Variants in DLGAP3 observed in about 807,000 individuals in gnomAD.
The protein encoded by DLGAP3 is DLG associated protein 3.
In DLGAP3, 17 loss-of-function variants were observed where a neutral mutation model predicts 81.2. The observed-to-expected ratio is 0.21, with a 90% confidence interval of 0.14 to 0.31. The LOEUF is 0.31. DLGAP3 is among the 10% of genes least tolerant of loss of function. The pLI, the probability that DLGAP3 is intolerant of heterozygous loss-of-function variation, is 1.00. For missense variants in DLGAP3, 1,124 were observed against 1,388.0 expected (o/e 0.81, Z 3.02); for synonymous variants, 577 against 587.4 (o/e 0.98, Z 0.26).
intron 1 of DLGAP3, among the ~76,000 whole-genome samples, chr1:34,912,597 C>T (rs1639655617): frequency 6.6e-6 from 1 of 152,172 alleles, no homozygotes. Context: ...ACACCAGTTC[C>T]AACACAGCAG....
intron 2 of DLGAP3, among the ~76,000 whole-genome samples, chr1:34,906,101 CACATAGAAATATTTTTATATAT>C (rs1265500772): frequency 6.7e-5 from 9 of 133,860 alleles, no homozygotes; most frequent in African/African-American, 2.4e-4. Context: ...TTTTTATATA[CACATAGAAATATTTTTATATAT>C]ACATATATAT....
chr1:34,917,514 A>C (rs1225722924), intron 1 of DLGAP3, among the ~76,000 whole-genome samples: 1 of 151,484 alleles, frequency 6.6e-6, no homozygotes, highest in Admixed American at 6.6e-5. Flanking sequence ...TGCCTGGCTA[A>C]TTTCTTATTT....
chr1:34,913,166 G>T (rs371298388), intron 1 of DLGAP3, among the ~76,000 whole-genome samples: 1 of 152,306 alleles, frequency 6.6e-6, no homozygotes, highest in East Asian at 1.9e-4. Context: ...AAGGAGGAAG[G>T]CTTGCCGTTT....
chr1:34,904,441 A>G lies in DLGAP3; in HGVS notation c.943T>C (p.Cys315Arg). 6.2e-7 allele frequency: 1 copy of G among 1,614,100 alleles called. No homozygotes were observed. The highest frequency in any genetic ancestry group is 8.5e-7 in the Non-Finnish European group (1 of 1,180,022). Reference protein sequence around the residue: ...SGGSEGRCLACTGMSMSLDGQ... With the variant: ...SGGSEGRCLARTGMSMSLDGQ... ...TCCAGTGACATGGACATGCCAGTGCAGGCAAGGCAGCGGCCTTCCGACCCG... is the reference window on the plus strand; with the variant it reads ...TCCAGTGACATGGACATGCCAGTGCGGGCAAGGCAGCGGCCTTCCGACCCG... Residue 315 changes from cysteine (C) to arginine (R), a missense_variant, in exon 3 of 12, where the codon TGC (cysteine) becomes CGC (arginine). Coordinates refer to ENST00000373347, the MANE Select transcript of DLGAP3 (RefSeq NM_001080418.3). This position sits in a 1 kb window ranked among gnomAD's most constrained non-coding sequence, Gnocchi z 8.1.
At position 34,905,183 on chromosome 1, in the gene DLGAP3, C is replaced by T. The variant is rs1639526552; in HGVS notation, c.201G>A (p.Glu67=). The T allele has an allele frequency of 1.9e-6, 3 of 1,581,732 alleles. No individual in the cohort carries two copies. The African/African-American group carries it at 4.0e-5, about 21-fold the overall frequency. The change falls in exon 3 of 12, where the codon GAG becomes GAA. Residue 67 remains glutamate (E), a synonymous_variant. Coordinates refer to ENST00000373347, the MANE Select transcript of DLGAP3 (RefSeq NM_001080418.3). ...CTCCCTCAGGGCCTACCGACGGCCC[C>T]TCACTCAGGCTCAGGGGCCCTTCAG... ...ISPEGPLSLS[E]GPSVGPEGGP... is the part of the protein sequence containing the mutation.
At position 34,924,379 on chromosome 1, in the gene DLGAP3, T is replaced by A. The variant is rs546491916; in HGVS notation, c.-135+5072A>T. Among the ~76,000 whole-genome samples, 4 of 152,154 alleles carry A rather than the reference T, an allele frequency of 2.6e-5. No individual in the cohort carries two copies. The South Asian group carries it at 8.3e-4, about 32-fold the overall frequency. On this transcript the variant is annotated intron_variant, in intron 1 of 11. Coordinates refer to ENST00000373347, the MANE Select transcript of DLGAP3 (RefSeq NM_001080418.3). ...TGAATCCTTTGCTTAAAAATCTTCC[T>A]CCCCAACAAAAGTCTCTCCCAAATG...
At position 34,868,971 on chromosome 1, in the gene DLGAP3, G is replaced by A. The variant is rs373723836; in HGVS notation, c.2119C>T (p.Arg707Cys). The A allele has an allele frequency of 1.4e-5, 23 of 1,609,360 alleles. No homozygotes were observed. The highest frequency in any genetic ancestry group is 1.9e-5 in the Non-Finnish European group (22 of 1,179,804). Reference sequence around the variant, plus strand: ...TCAGAGGCGTGCCTCTGGAAGGAGCGTCCAAACTGCAGGGCCTTGTCTTCT... The same window carrying A: ...TCAGAGGCGTGCCTCTGGAAGGAGCATCCAAACTGCAGGGCCTTGTCTTCT... ...ATEDKALQFG[R>C]SFQRHASEPQ... is the part of the protein sequence containing the mutation. The change falls in exon 9 of 12, where the codon CGC becomes TGC. Residue 707 changes from arginine to cysteine, a missense_variant. Arg to Cys is a radical substitution (Grantham distance 180). Transcript: ENST00000373347. This position sits in a 1 kb window ranked among gnomAD's most constrained non-coding sequence, Gnocchi z 7.5.
At position 34,900,055 on chromosome 1, in the gene DLGAP3, TC is replaced by T. The variant is rs755038110; in HGVS notation, c.1313+12del. 1 of 1,610,966 alleles carries T rather than the reference TC, an allele frequency of 6.2e-7. No homozygotes were observed. Among genetic ancestry groups the T allele is most frequent in the East Asian group, 2.2e-5 (1 of 44,850 alleles). On this transcript the variant is annotated intron_variant, in intron 4 of 11. Transcript: ENST00000373347. This position sits in a 1 kb window ranked among gnomAD's most constrained non-coding sequence, Gnocchi z 5.6. ...CTCCTGACCCCGCACCCCCCGGCCC[TC>T]CCTGTCCTTACTTGATCCTGGCCTG...
chr1:34,866,675 G>A (rs1638885544), intron 11 of DLGAP3, among the ~76,000 whole-genome samples: 1 of 152,206 alleles, frequency 6.6e-6, no homozygotes, highest in African/African-American at 2.4e-5. Context: ...CAGGGACCTG[G>A]CGGCTGAGGG....
chr1:34,900,399 G>A lies in DLGAP3; in HGVS notation c.1108-126C>T. 2 of 958,240 alleles carry A rather than the reference G, an allele frequency of 2.1e-6. No homozygotes were observed. Among genetic ancestry groups the A allele is most frequent in the Non-Finnish European group, 3.3e-6 (2 of 607,282 alleles). The allele number at this position is 958,240 out of a possible 1,614,324, so 59.4% of individuals were successfully genotyped here. A position where few individuals can be genotyped will look rare whatever the true frequency, so the allele number is the denominator to read the frequency against. On this transcript the variant is annotated intron_variant, in intron 3 of 11. Transcript: ENST00000373347. The surrounding 1 kb of genome is among the most constrained non-coding windows in gnomAD (Gnocchi z 5.6). ...GAACAGGCACACTCAGGTACATGCA[G>A]AGGCAGAAGGGGAGGTAGGGTCTCA...
intron 5 of DLGAP3, 48 bp from the exon 6 acceptor site, chr1:34,886,333 G>T (rs1294370089): frequency 2.0e-6 from 3 of 1,504,564 alleles, no homozygotes; most frequent in Non-Finnish European, 2.7e-6. Flanking sequence ...CCGGGAGGGG[G>T]TGGAAGTCCC....
intron 1 of DLGAP3, among the ~76,000 whole-genome samples, chr1:34,909,625 G>A (rs1479540443): frequency 6.6e-6 from 1 of 152,124 alleles, no homozygotes; most frequent in African/African-American, 2.4e-5. Context: ...CTGGGAGCAG[G>A]AGATATCCAA....
chr1:34,865,671 T>A lies in DLGAP3; in HGVS notation c.*412A>T. 1 of 283,412 alleles carries A rather than the reference T, an allele frequency of 3.5e-6. No homozygotes were observed. The highest frequency in any genetic ancestry group is 6.9e-6 in the Non-Finnish European group (1 of 145,930). 17.6% of individuals were successfully genotyped at this position (283,412 alleles called of 1,614,324 possible). A position where few individuals can be genotyped will look rare whatever the true frequency, so the allele number is the denominator to read the frequency against. On this transcript the variant is annotated 3_prime_UTR_variant, in exon 12 of 12. Transcript: ENST00000373347. ...GCTCCTAGGCAGGGTTCGGGATTCTTCATAAAAAGCCACGAAGCTTGATCC... is the reference window on the plus strand; with the variant it reads ...GCTCCTAGGCAGGGTTCGGGATTCTACATAAAAAGCCACGAAGCTTGATCC...
intron 5 of DLGAP3, among the ~76,000 whole-genome samples, chr1:34,891,863 G>A (rs932495360): frequency 6.6e-6 from 1 of 152,202 alleles, no homozygotes; most frequent in Non-Finnish European, 1.5e-5. Flanking sequence ...ATGTTGTAGG[G>A]AAGACAGATT....
Position 34,865,982 on chromosome 1 carries a change from C to A in DLGAP3, c.*101G>T. On this transcript the variant is annotated 3_prime_UTR_variant, in exon 12 of 12. Transcript: ENST00000373347. ...GCCGGGGCGTCCGGTGCCGGTGGGGCGGGCGCACGGGGCGGCCCGCGTTCA... is the reference window on the plus strand; with the variant it reads ...GCCGGGGCGTCCGGTGCCGGTGGGGAGGGCGCACGGGGCGGCCCGCGTTCA... 9.6e-7 allele frequency: 1 copy of A among 1,043,552 alleles called. No individual in the cohort carries two copies. Among genetic ancestry groups the A allele is most frequent in the Non-Finnish European group, 1.4e-6 (1 of 717,014 alleles). The allele number at this position is 1,043,552 out of a possible 1,614,324, so 64.6% of individuals were successfully genotyped here. A position where few individuals can be genotyped will look rare whatever the true frequency, so the allele number is the denominator to read the frequency against.
At chr1:34,922,733 A>G (rs2148421303) in intron 1 of DLGAP3, among the ~76,000 whole-genome samples, 1 of 152,320 alleles carries the variant, frequency 6.6e-6, no homozygotes. Context: ...AGGCAGAAAT[A>G]CGCATGCATG....
Position 34,867,167 on chromosome 1 carries a change from T to G in DLGAP3, c.2602A>C (p.Thr868Pro), listed in dbSNP as rs1328062260. ...SMDPTAFPVP[T>P]FQDLAGFWDL... ...CAGAAACCCGCCAGGTCCTGGAAGGTGGGCACAGGGAACGCAGTGGGATCC... is the reference window on the plus strand; with the variant it reads ...CAGAAACCCGCCAGGTCCTGGAAGGGGGGCACAGGGAACGCAGTGGGATCC... Residue 868 changes from threonine to proline, a missense_variant, in exon 11 of 12, where the codon ACC becomes CCC. Around this residue, in one of 9 missense-constraint regions of DLGAP3, gnomAD observed 133 missense variants for 171.1 expected, o/e 0.78. Coordinates refer to ENST00000373347, the MANE Select transcript of DLGAP3 (RefSeq NM_001080418.3). The surrounding 1 kb of genome is among the most constrained non-coding windows in gnomAD (Gnocchi z 4.3). The G allele has an allele frequency of 6.2e-7, 1 of 1,613,956 alleles. No individual in the cohort carries two copies. The highest frequency in any genetic ancestry group is 8.5e-7 in the Non-Finnish European group (1 of 1,179,962).
Position 34,865,647 on chromosome 1 carries a change from CTCCTAG to C in DLGAP3, c.*430_*435del. 3.7e-6 allele frequency: 1 copy of C among 272,902 alleles called. No homozygotes were observed. Among genetic ancestry groups the C allele is most frequent in the South Asian group, 3.0e-5 (1 of 32,976 alleles). The allele number at this position is 272,902 out of a possible 1,614,324, so 16.9% of individuals were successfully genotyped here. A position where few individuals can be genotyped will look rare whatever the true frequency, so the allele number is the denominator to read the frequency against. ...GGAGCCCCTGGGAGGGTGGGGCGGG[CTCCTAG>C]GCAGGGTTCGGGATTCTTCATAAAA... On this transcript the variant is annotated 3_prime_UTR_variant, in exon 12 of 12. Coordinates refer to ENST00000373347, the MANE Select transcript of DLGAP3 (RefSeq NM_001080418.3).
intron 5 of DLGAP3, 129 bp from the exon 6 acceptor site, chr1:34,886,414 A>T (rs1262630503): frequency 4.6e-6 from 4 of 866,152 alleles, no homozygotes; most frequent in Non-Finnish European, 5.1e-6. Context: ...CCGCATTTGA[A>T]CTAAAAGAAA....
Sources: gnomAD v4.1 joint callset for allele counts (sites outside exome capture counted in the v4.1 genomes callset) on GRCh38, gnomAD v4.1.1 for gene constraint, gnomAD v4.1.1 regional missense constraint, Gnocchi (gnomAD v3.1) non-coding constraint, MANE v1.5 for transcripts, NCBI Gene and HGNC (gene_info 2026-07-23, HGNC 2026-07-21) for gene names.